The following ATP2C2 variants were observed in gnomAD, a reference collection of about 807,000 sequenced individuals.
ATP2C2 encodes the protein calcium-transporting ATPase type 2C member 2.
A neutral mutation model predicts 110.8 loss-of-function variants in ATP2C2; 171 were observed. The ratio of observed to expected loss-of-function variants is 1.54; its 90% CI spans 1.36 to 1.75. The LOEUF is 1.75. Ranked by LOEUF, ATP2C2 falls within the 40% of genes most tolerant of loss-of-function variation. ATP2C2 has a pLI of 0.00. For missense variants in ATP2C2, 1,963 were observed against 1,235.0 expected (o/e 1.59, Z -8.84); for synonymous variants, 804 against 508.4 (o/e 1.58, Z -7.82).
chr16:84,419,464 A>G (rs931740701), intron 7 of ATP2C2, among the ~76,000 whole-genome samples: 5 of 152,136 alleles, frequency 3.3e-5, no homozygotes, highest in Non-Finnish European at 7.4e-5. Flanking sequence ...CACGCAGACC[A>G]TATTCTCCCC....
At chr16:84,451,399 A>C (rs1254846039) in intron 17 of ATP2C2, among the ~76,000 whole-genome samples, 1 of 152,206 alleles carries the variant, frequency 6.6e-6, no homozygotes, top group African/African-American at 2.4e-5. Flanking sequence ...TCTGCTATGC[A>C]GCTGTTTCTG....
intron 21 of ATP2C2, among the ~76,000 whole-genome samples, chr16:84,458,508 AT>A (rs1910909555): frequency 1.0e-4 from 1 of 9,584 alleles, no homozygotes; most frequent in East Asian, 2.2e-3. Flanking sequence ...AAAAAAAAAA[AT>A]TTAAATAAAA....
rs192718969 is a variant in ATP2C2, at chr16:84,374,537, G to C, written c.99+5823G>C. Among the ~76,000 whole-genome samples the C allele has an allele frequency of 3.6e-3, 553 of 152,246 alleles. 3 individuals carry two copies. The highest frequency in any genetic ancestry group is 0.024 in the Middle Eastern group (7 of 294). ...CTGAAGATGGCATCCCGGAAACCCTGCCCCCAATCCAAATGTCACAAGCTT... is the reference window on the plus strand; with the variant it reads ...CTGAAGATGGCATCCCGGAAACCCTCCCCCCAATCCAAATGTCACAAGCTT... On this transcript the variant is annotated intron_variant, in intron 1 of 26. Coordinates refer to ENST00000262429, the MANE Select transcript of ATP2C2 (RefSeq NM_014861.4).
intron 2 of ATP2C2, among the ~76,000 whole-genome samples, chr16:84,401,685 C>G (rs1265765073): frequency 6.6e-6 from 1 of 152,116 alleles, no homozygotes; most frequent in Non-Finnish European, 1.5e-5. Flanking sequence ...TTTCACTGAT[C>G]TCTGTGTCTG....
At chr16:84,446,290 C>A (rs377170998) in intron 15 of ATP2C2, 39 bp from the exon 16 acceptor site, 1 of 1,284,766 alleles carries the variant, frequency 7.8e-7, no homozygotes, top group Non-Finnish European at 1.1e-6. Context: ...AGATTGGCTT[C>A]GGATGACTCA....
In ATP2C2 at chr16:84,462,121, G is replaced by C; in HGVS notation, c.2714G>C (p.Gly905Ala). The C allele has an allele frequency of 6.2e-7, 1 of 1,613,328 alleles. No homozygotes were observed. Among genetic ancestry groups the C allele is most frequent in the Non-Finnish European group, 8.5e-7 (1 of 1,179,560 alleles). ...LQRVFQTENL[G>A]ALDLLFLTGL... Reference sequence around the variant, plus strand: ...AGGGTCTTCCAGACGGAGAACCTGGGAGCGCTTGGTGAGTGGTGGGGACGG... The same window carrying C: ...AGGGTCTTCCAGACGGAGAACCTGGCAGCGCTTGGTGAGTGGTGGGGACGG... The change falls in exon 26 of 27, where the codon GGA becomes GCA. Residue 905 changes from glycine to alanine, a missense_variant. Physicochemically the swap from Gly to Ala is moderately conservative, Grantham distance 60 (BLOSUM62 0). Transcript: ENST00000262429.
chr16:84,402,103 A>G (rs1041237539), intron 2 of ATP2C2, among the ~76,000 whole-genome samples: 1 of 151,666 alleles, frequency 6.6e-6, no homozygotes, highest in Non-Finnish European at 1.5e-5. Context: ...GGATTACTTA[A>G]TTGATTTCTT....
At chr16:84,419,084 C>G (rs531829708) in intron 7 of ATP2C2, among the ~76,000 whole-genome samples, 55 of 151,876 alleles carry the variant, frequency 3.6e-4, no homozygotes, top group African/African-American at 1.3e-3. Flanking sequence ...TGGCGTGCAC[C>G]TGTAGTCCCA....
intron 11 of ATP2C2, among the ~76,000 whole-genome samples, chr16:84,438,847 TTCTC>T (rs1395842328): frequency 1.3e-5 from 2 of 152,226 alleles, no homozygotes; most frequent in Non-Finnish European, 2.9e-5. Context: ...CCAAAGCCTT[TTCTC>T]TCTAATAAAT....
chr16:84,415,869 C>T (rs549666406), intron 7 of ATP2C2, among the ~76,000 whole-genome samples: 1 of 152,162 alleles, frequency 6.6e-6, no homozygotes, highest in Non-Finnish European at 1.5e-5. Context: ...CAAATTAAAC[C>T]AAGGTGGGCT....
In ATP2C2 at chr16:84,450,890, G is replaced by C. The variant is rs542506165; in HGVS notation, c.1661-1031G>C. ...AGATGAGTTAGCACAGAGCAAATGA[G>C]GGCAAGAACTGTTAGAAACGTCCCA... is the stretch of plus-strand genomic sequence containing the variant. On this transcript the variant is annotated intron_variant, in intron 17 of 26. Transcript: ENST00000262429. 2.6e-5 allele frequency among the ~76,000 whole-genome samples: 4 copies of C among 152,204 alleles called. No individual in the cohort carries two copies. In the East Asian group the frequency reaches 5.8e-4, roughly 22 times the overall value.
chr16:84,451,737 C>T (rs111260164), intron 17 of ATP2C2, among the ~76,000 whole-genome samples, 184 bp from the exon 18 acceptor site: 3 of 152,182 alleles, frequency 2.0e-5, no homozygotes, highest in African/African-American at 7.2e-5. Flanking sequence ...ACTCAAGAGG[C>T]TGAGGCAGGA....
rs768891653 is a variant in ATP2C2 at position 84,423,246 on chromosome 16, TCTC to T, written c.905_907del (p.Ser302del). On this transcript the variant is annotated inframe_deletion, in exon 10 of 27. Coordinates refer to ENST00000262429, the MANE Select transcript of ATP2C2 (RefSeq NM_014861.4). ...AGGCTAGGAAAGCAACTGACACTCTTCTCCTTTGGCATAATCGGTGAGTGAAGC... is the reference window on the plus strand; with the variant it reads ...AGGCTAGGAAAGCAACTGACACTCTTCTTTGGCATAATCGGTGAGTGAAGC... 40 of 1,613,946 alleles carry T rather than the reference TCTC, an allele frequency of 2.5e-5. No homozygotes were observed. The highest frequency in any genetic ancestry group is 3.2e-5 in the Non-Finnish European group (38 of 1,179,952).
At position 84,386,745 on chromosome 16, in the gene ATP2C2, G is replaced by A. The variant is rs912085563; in HGVS notation, c.100-11754G>A. Among the ~76,000 whole-genome samples, 2 of 152,122 alleles carry A rather than the reference G, an allele frequency of 1.3e-5. 1 individual carries two copies. Among genetic ancestry groups the A allele is most frequent in the Middle Eastern group, 6.3e-3 (2 of 316 alleles). ...GCCCTTCCTCACATCAATGCTAGGT[G>A]CGAGGTATCATCATTCCCATTTTAA... On this transcript the variant is annotated intron_variant, in intron 1 of 26. Transcript: ENST00000262429.
In ATP2C2 at chr16:84,460,704, G is replaced by C. The variant is rs201592911; in HGVS notation, c.2384G>C (p.Ser795Thr). 1.3e-4 allele frequency: 208 copies of C among 1,614,232 alleles called. No individual in the cohort carries two copies. In the African/African-American group the frequency reaches 2.6e-3, roughly 20 times the overall value. ...GACGCCTTCAGGCAGCCACCACGGA[G>C]TGTGCGGGACACCATCCTCAGCAGA... ...DKDAFRQPPR[S>T]VRDTILSRAL... Residue 795 changes from serine to threonine, a missense_variant, in exon 24 of 27, where the codon AGT (serine) becomes ACT (threonine). Ser to Thr is a moderately conservative substitution (Grantham distance 58). Transcript: ENST00000262429.
At chr16:84,388,559 T>C (rs1752276623) in intron 1 of ATP2C2, among the ~76,000 whole-genome samples, 1 of 152,142 alleles carries the variant, frequency 6.6e-6, no homozygotes, top group Admixed American at 6.5e-5. Context: ...ATCTGTGCCT[T>C]GGGAGAGAAG....
chr16:84,451,148 T>A (rs568227139), intron 17 of ATP2C2, among the ~76,000 whole-genome samples: 1 of 152,246 alleles, frequency 6.6e-6, no homozygotes, highest in East Asian at 1.9e-4. Context: ...AAGGCACGTC[T>A]TACATGGCAG....
chr16:84,427,770 A>C (rs755663337), intron 11 of ATP2C2, among the ~76,000 whole-genome samples: 16 of 152,058 alleles, frequency 1.1e-4, no homozygotes, highest in Non-Finnish European at 1.9e-4. Flanking sequence ...AAAGTAGGTT[A>C]GTGTTTGCCA....
chr16:84,448,436 CG>C, intron 16 of ATP2C2, 96 bp from the exon 17 acceptor site: 1 of 1,410,020 alleles, frequency 7.1e-7, no homozygotes, highest in South Asian at 1.4e-5. Context: ...CAAAGATCCC[CG>C]TGTGTGTCTT....
Sources: allele counts gnomAD v4.1 joint callset (sites outside exome capture counted in the v4.1 genomes callset), GRCh38; gene constraint gnomAD v4.1.1; transcripts MANE v1.5; gene names NCBI Gene and HGNC (gene_info 2026-07-23, HGNC 2026-07-21).